Variants in GAB2 observed in about 807,000 individuals in gnomAD.
GAB2 encodes GRB2-associated-binding protein 2.
GAB2 carries 26 observed loss-of-function variants against 65.5 expected under a neutral mutation model. The ratio of observed to expected loss-of-function variants is 0.40; its 90% CI spans 0.29 to 0.55. The LOEUF (loss-of-function observed/expected upper bound fraction) is 0.55. Among genes scored for constraint, GAB2 ranks in the 20% least tolerant of loss-of-function variants. The pLI is 0.53. For synonymous variants in GAB2, 321 were observed against 329.6 expected (o/e 0.97, Z 0.28); for missense variants, 884 against 875.8 (o/e 1.01, Z -0.12).
At chr11:78,399,038 C>G (rs146042279) in intron 1 of GAB2, among the ~76,000 whole-genome samples, 7 of 152,144 alleles carry the variant, frequency 4.6e-5, no homozygotes, top group African/African-American at 1.7e-4. Context: ...TAAAAAATAC[C>G]CTAATTGATC....
intron 3 of GAB2, among the ~76,000 whole-genome samples, chr11:78,248,057 G>T (rs1367537426): frequency 5.9e-5 from 9 of 152,114 alleles, no homozygotes; most frequent in Non-Finnish European, 1.3e-4. Flanking sequence ...AAATTATTAT[G>T]CACCTACTGT....
At chr11:78,250,652 C>T (rs1165975486) in intron 2 of GAB2, among the ~76,000 whole-genome samples, 1 of 152,048 alleles carries the variant, frequency 6.6e-6, no homozygotes, top group East Asian at 1.9e-4. Flanking sequence ...CCATATCTGC[C>T]CCACTTCCAG....
chr11:78,241,746 T>C (rs996618381), intron 3 of GAB2, among the ~76,000 whole-genome samples: 6 of 152,242 alleles, frequency 3.9e-5, no homozygotes, highest in Admixed American at 3.9e-4. Flanking sequence ...AGTTTGAAAT[T>C]ACCCAGCCAG....
chr11:78,268,396 A>C (rs373065127), intron 2 of GAB2, among the ~76,000 whole-genome samples: 2 of 152,184 alleles, frequency 1.3e-5, no homozygotes, highest in African/African-American at 4.8e-5. Flanking sequence ...CGGATGTTTA[A>C]TCGTAATCAA....
intron 3 of GAB2, among the ~76,000 whole-genome samples, chr11:78,243,505 G>A (rs1240174327): frequency 6.6e-6 from 1 of 151,642 alleles, no homozygotes; most frequent in Non-Finnish European, 1.5e-5. Context: ...AGAAAAAGGA[G>A]ACATTGTAAC....
chr11:78,384,023 A>T (rs11237477), intron 1 of GAB2, among the ~76,000 whole-genome samples: 36,257 of 152,090 alleles, frequency 0.24, 4,815 homozygotes, highest in East Asian at 0.41. Context: ...GAGCAAAGAA[A>T]GAGGAAAGGG....
chr11:78,416,388 T>C (rs1189321722), intron 1 of GAB2, among the ~76,000 whole-genome samples: 2 of 152,214 alleles, frequency 1.3e-5, no homozygotes, highest in African/African-American at 2.4e-5. Context: ...ACTTCCTCAG[T>C]CCAGAGGCCA....
chr11:78,334,001 C>T (rs546783174), intron 1 of GAB2, among the ~76,000 whole-genome samples: 1 of 152,260 alleles, frequency 6.6e-6, no homozygotes, highest in South Asian at 2.1e-4. Context: ...TATCTGAGAC[C>T]CTCTTGAGCT....
chr11:78,343,895 A>G (rs1363175548), intron 1 of GAB2, among the ~76,000 whole-genome samples: 3 of 152,144 alleles, frequency 2.0e-5, no homozygotes, highest in Non-Finnish European at 4.4e-5. Flanking sequence ...GCACATCTCA[A>G]TTCAAATAAG....
At chr11:78,393,958 A>AT in intron 1 of GAB2, among the ~76,000 whole-genome samples, 1 of 152,366 alleles carries the variant, frequency 6.6e-6, no homozygotes. Context: ...ACAGCAGTCA[A>AT]TAACTGGTGC....
intron 1 of GAB2, among the ~76,000 whole-genome samples, chr11:78,409,144 T>C (rs995283087): frequency 2.0e-5 from 3 of 152,176 alleles, no homozygotes; most frequent in Admixed American, 2.0e-4. Flanking sequence ...GGCTATAATA[T>C]ATCAAGTAGC....
intron 2 of GAB2, among the ~76,000 whole-genome samples, chr11:78,263,770 C>T (rs761408355): frequency 5.3e-5 from 8 of 151,996 alleles, no homozygotes; most frequent in Non-Finnish European, 8.8e-5. Flanking sequence ...CTGGAAATAA[C>T]CCACGGGATC....
chr11:78,315,172 C>CT (rs1456784971), intron 1 of GAB2, among the ~76,000 whole-genome samples: 6 of 152,164 alleles, frequency 3.9e-5, no homozygotes, highest in Non-Finnish European at 7.4e-5. Context: ...TATAAACACA[C>CT]TTCAAAGTTC....
chr11:78,242,541 T>C (rs1020340024), intron 3 of GAB2, among the ~76,000 whole-genome samples: 8 of 151,310 alleles, frequency 5.3e-5, no homozygotes, highest in Admixed American at 2.6e-4. Flanking sequence ...TTTAGAAATG[T>C]CTGGAAACAA....
chr11:78,232,570 G>A (rs1864875316), intron 3 of GAB2, among the ~76,000 whole-genome samples: 1 of 152,164 alleles, frequency 6.6e-6, no homozygotes, highest in South Asian at 2.1e-4. Flanking sequence ...TTAGCTCAGT[G>A]GAAGACCTGC....
chr11:78,299,376 C>CA (rs1866930022), intron 1 of GAB2, among the ~76,000 whole-genome samples: 1 of 152,140 alleles, frequency 6.6e-6, no homozygotes, highest in African/African-American at 2.4e-5. Flanking sequence ...CAGGAAAAGA[C>CA]AGAGGATTGA....
chr11:78,300,603 T>G (rs1203760729), intron 1 of GAB2, among the ~76,000 whole-genome samples: 1 of 151,730 alleles, frequency 6.6e-6, no homozygotes, highest in African/African-American at 2.4e-5. Context: ...GTATGAGAAT[T>G]CTAATTCCTT....
intron 1 of GAB2, among the ~76,000 whole-genome samples, chr11:78,363,136 T>C (rs1856455580): frequency 6.6e-6 from 1 of 152,240 alleles, no homozygotes; most frequent in African/African-American, 2.4e-5. Context: ...AATTTCTTAC[T>C]TAATTCCTAA....
At position 78,226,755 on chromosome 11, in the gene GAB2, A is replaced by G. The variant is rs1864673990; in HGVS notation, c.917T>C (p.Phe306Ser). ...KTPSNTLCRE[F>S]GDLLVDNMDV... is the part of the protein sequence containing the mutation. ...CATATTGTCTACCAGGAGGTCCCCG[A>G]ACTCCCTGCACAGGGTGTTGCTGGG... The change falls in exon 4 of 10, where the codon TTC (phenylalanine) becomes TCC (serine). Residue 306 changes from phenylalanine (F) to serine (S), a missense_variant. Phe to Ser is a radical substitution (Grantham distance 155). Coordinates refer to ENST00000361507, the MANE Select transcript of GAB2 (RefSeq NM_080491.3). 4 of 1,613,960 alleles carry G rather than the reference A, an allele frequency of 2.5e-6. No individual in the cohort carries two copies. In the East Asian group the frequency reaches 8.9e-5, roughly 36 times the overall value.
Sources: gnomAD v4.1 joint callset for allele counts (sites outside exome capture counted in the v4.1 genomes callset) on GRCh38, gnomAD v4.1.1 for gene constraint, MANE v1.5 for transcripts, NCBI Gene and HGNC (gene_info 2026-07-23, HGNC 2026-07-21) for gene names.